Variants in CDH11 observed in about 807,000 individuals in gnomAD.
The protein encoded by CDH11 is cadherin-11.
In CDH11, 11 loss-of-function variants were observed where a neutral mutation model predicts 67.8. The ratio of observed to expected loss-of-function variants is 0.16; its 90% CI spans 0.10 to 0.27. CDH11 has a LOEUF of 0.27. Ranked by LOEUF, CDH11 falls within the 10% of genes least tolerant of loss-of-function variation. The pLI, the probability that CDH11 is intolerant of heterozygous loss-of-function variation, is 1.00. For synonymous variants in CDH11, 419 were observed against 400.0 expected (o/e 1.05, Z -0.57); for missense variants, 847 against 1,031.2 (o/e 0.82, Z 2.45).
chr16:65,024,393 C>A (rs541890674), intron 2 of CDH11, among the ~76,000 whole-genome samples: 2 of 152,102 alleles, frequency 1.3e-5, no homozygotes, highest in African/African-American at 2.4e-5. Flanking sequence ...ATTACCCAGG[C>A]CTTACTCTAA....
At chr16:65,052,086 C>T (rs1179805996) in intron 2 of CDH11, among the ~76,000 whole-genome samples, 1 of 152,174 alleles carries the variant, frequency 6.6e-6, no homozygotes, top group Non-Finnish European at 1.5e-5. Context: ...AACCTGTTAG[C>T]TGCTGTTATT....
intron 1 of CDH11, among the ~76,000 whole-genome samples, chr16:65,074,802 T>C (rs1204093632): frequency 1.3e-5 from 2 of 152,230 alleles, no homozygotes; most frequent in Admixed American, 6.5e-5. Flanking sequence ...TTCAAAATAG[T>C]ATTTTCCTCT....
At position 65,048,107 on chromosome 16, in the gene CDH11, G is replaced by A. The variant is rs544797518; in HGVS notation, c.-173+5697C>T. 9.7e-4 allele frequency among the ~76,000 whole-genome samples: 148 copies of A among 152,284 alleles called. 1 individual carries two copies. Among genetic ancestry groups the A allele is most frequent in the Non-Finnish European group, 1.2e-3 (80 of 68,020 alleles). ...AGCACCTAGTCCAAAGCCTAACATA[G>A]GGATGGTTCTCAAGATGACTGATGA... On this transcript the variant is annotated intron_variant, in intron 2 of 12. Transcript: ENST00000268603.
chr16:65,014,802 T>C (rs1001270187), intron 2 of CDH11, among the ~76,000 whole-genome samples: 1 of 152,134 alleles, frequency 6.6e-6, no homozygotes, highest in Non-Finnish European at 1.5e-5. Flanking sequence ...GTGGTGCTAT[T>C]CCTGGCCTTA....
At chr16:64,955,386 T>C (rs539903787) in intron 11 of CDH11, among the ~76,000 whole-genome samples, 1 of 152,212 alleles carries the variant, frequency 6.6e-6, no homozygotes, top group East Asian at 1.9e-4. Context: ...TGAGCCGAGA[T>C]TGTGCCACTG....
At position 64,945,323 on chromosome 16, in the gene CDH11, A is replaced by T; in HGVS notation, c.*2280T>A. On this transcript the variant is annotated 3_prime_UTR_variant, in exon 13 of 13. Transcript: ENST00000268603. ...AGGTAAAAAAAAAAAAAAAAAAGAA[A>T]AAGAAAAACAAGTATTCTTAACTAC... 2.5e-6 allele frequency: 2 copies of T among 796,146 alleles called. No homozygotes were observed. The highest frequency in any genetic ancestry group is 3.1e-6 in the Non-Finnish European group (2 of 642,008). 49.3% of individuals were successfully genotyped at this position (796,146 alleles called of 1,614,324 possible). A position where few individuals can be genotyped will look rare whatever the true frequency, so the allele number is the denominator to read the frequency against.
intron 1 of CDH11, among the ~76,000 whole-genome samples, chr16:65,089,429 C>T (rs2074756088): frequency 6.6e-6 from 1 of 152,158 alleles, no homozygotes; most frequent in Admixed American, 6.5e-5. Flanking sequence ...ATTCTACCCT[C>T]TAATTCAAAT....
At chr16:65,039,889 A>G (rs1259309188) in intron 2 of CDH11, among the ~76,000 whole-genome samples, 2 of 152,228 alleles carry the variant, frequency 1.3e-5, no homozygotes, top group African/African-American at 4.8e-5. Context: ...CCCATCAAAA[A>G]GTGGGCGAAG....
chr16:65,100,407 GA>G (rs147958142), intron 1 of CDH11, among the ~76,000 whole-genome samples: 7,703 of 148,912 alleles, frequency 0.052, 286 homozygotes, highest in Non-Finnish European at 0.074. Context: ...CAAGAAAATT[GA>G]AAAAAAAAAT....
At chr16:64,950,276 G>A (rs76947072) in intron 12 of CDH11, among the ~76,000 whole-genome samples, 3,797 of 152,202 alleles carry the variant, frequency 0.025, 73 homozygotes, top group Middle Eastern at 0.041. Flanking sequence ...AATTAGTGGA[G>A]GGGTTAGAGT....
intron 2 of CDH11, among the ~76,000 whole-genome samples, chr16:65,051,463 C>T (rs996097019): frequency 7.1e-6 from 1 of 141,022 alleles, no homozygotes; most frequent in African/African-American, 2.6e-5. Flanking sequence ...AGTGGTAAGA[C>T]ACAAACTCTA....
In CDH11 at chr16:64,993,149, A is replaced by C. The variant is rs913462481; in HGVS notation, c.524-115T>G. The C allele has an allele frequency of 1.2e-5, 10 of 821,438 alleles. No individual in the cohort carries two copies. In the Admixed American group the frequency reaches 2.2e-4, roughly 18 times the overall value. The allele number at this position is 821,438 out of a possible 1,614,324, so 50.9% of individuals were successfully genotyped here. A position where few individuals can be genotyped will look rare whatever the true frequency, so the allele number is the denominator to read the frequency against. On this transcript the variant is annotated intron_variant, in intron 4 of 12. Coordinates refer to ENST00000268603, the MANE Select transcript of CDH11 (RefSeq NM_001797.4). ...GAAGAAGGCACCACAATTATTCAAC[A>C]TTCTCTCATTTTCCTGGAGTTGAGA...
At chr16:64,968,525 A>C in intron 11 of CDH11, 1 of 985,392 alleles carries the variant, frequency 1.0e-6, no homozygotes, top group Non-Finnish European at 1.2e-6. Context: ...AGAATCATCC[A>C]GTGTTCTATT....
At chr16:65,016,498 A>C (rs2073313730) in intron 2 of CDH11, among the ~76,000 whole-genome samples, 1 of 152,188 alleles carries the variant, frequency 6.6e-6, no homozygotes, top group African/African-American at 2.4e-5. Context: ...TAGCTCACTT[A>C]ATTAGATTTT....
intron 2 of CDH11, among the ~76,000 whole-genome samples, chr16:65,030,942 A>G (rs1597112158): frequency 1.3e-5 from 2 of 152,230 alleles, no homozygotes; most frequent in East Asian, 3.9e-4. Flanking sequence ...AGGAGAAGGT[A>G]GAATAGGCCC....
intron 3 of CDH11, 64 bp downstream of exon 3, chr16:65,004,578 T>C: frequency 6.6e-7 from 1 of 1,511,298 alleles, no homozygotes; most frequent in Admixed American, 2.2e-5. Flanking sequence ...TGCTTCTTTC[T>C]GGCCACAGAC....
chr16:65,073,345 G>A (rs749310655), intron 1 of CDH11, among the ~76,000 whole-genome samples: 2 of 152,138 alleles, frequency 1.3e-5, no homozygotes, highest in Non-Finnish European at 2.9e-5. Context: ...GAGTAAAATG[G>A]CATGATCTTG....
intron 11 of CDH11, among the ~76,000 whole-genome samples, chr16:64,970,244 T>C (rs2071967236): frequency 3.3e-5 from 5 of 152,180 alleles, no homozygotes; most frequent in Admixed American, 3.3e-4. Flanking sequence ...GCTTGATTTA[T>C]AAGGCCCATA....
At chr16:64,948,460 T>C in intron 12 of CDH11, 1 of 728,378 alleles carries the variant, frequency 1.4e-6, no homozygotes, top group East Asian at 2.5e-5. Context: ...AATTTCTCTT[T>C]GCAAAGGAAG....
Sources: gnomAD v4.1 joint callset for allele counts (sites outside exome capture counted in the v4.1 genomes callset) on GRCh38, gnomAD v4.1.1 for gene constraint, MANE v1.5 for transcripts, NCBI Gene and HGNC (gene_info 2026-07-23, HGNC 2026-07-21) for gene names.